The following TENM2 variants were observed in gnomAD, a reference collection of about 807,000 sequenced individuals.
TENM2 encodes the protein teneurin transmembrane protein 2.
TENM2 carries 52 observed loss-of-function variants against 245.2 expected under a neutral mutation model. The observed-to-expected ratio is 0.21, with a 90% CI of 0.17 to 0.27. The LOEUF is 0.27. Ranked by LOEUF, TENM2 falls within the 10% of genes least tolerant of loss-of-function variation. The probability of loss-of-function intolerance (pLI) is 1.00; values close to 1 mark genes in which losing one functional copy is unlikely to be tolerated. For missense variants in TENM2, 3,046 were observed against 3,666.8 expected, an observed-to-expected ratio of 0.83 and a Z score of 4.37; for synonymous variants, 1,363 against 1,438.9, an observed-to-expected ratio of 0.95 and a Z score of 1.19.
Position 168,226,397 on chromosome 5 carries a change from C to G in TENM2, c.5284+134C>G, listed in dbSNP as rs1581688352. ...CGTACCCCTAGCTTTCTATTTTATT[C>G]AAGTGTCCACAGCAAACTATAAGAG... On this transcript the variant is annotated intron_variant, in intron 24 of 28. Transcript: ENST00000518659. 6 of 701,322 alleles carry G rather than the reference C, an allele frequency of 8.6e-6. No individual in the cohort carries two copies. The East Asian group carries it at 1.6e-4, about 19-fold the overall frequency. The allele number at this position is 701,322 out of a possible 1,614,324, so 43.4% of individuals were successfully genotyped here.
intron 1 of TENM2, among the ~76,000 whole-genome samples, chr5:167,333,903 C>A (rs1757604122): frequency 6.6e-6 from 1 of 152,026 alleles, no homozygotes; most frequent in Non-Finnish European, 1.5e-5. Context: ...AAAAATAGTT[C>A]AAATGGAGTT....
At chr5:167,974,027 GGA>G (rs1562000957) in intron 4 of TENM2, among the ~76,000 whole-genome samples, 7 of 74,854 alleles carry the variant, frequency 9.4e-5, no homozygotes, top group Non-Finnish European at 1.3e-4. Flanking sequence ...GAGGGAGGAA[GGA>G]AGGAAGGAGA....
chr5:167,345,734 C>T (rs1758412500), intron 1 of TENM2, among the ~76,000 whole-genome samples: 1 of 151,920 alleles, frequency 6.6e-6, no homozygotes, highest in African/African-American at 2.4e-5. Context: ...TTTGGACAAA[C>T]CAAAAGAACA....
At chr5:167,363,460 G>A (rs1348523973) in intron 1 of TENM2, among the ~76,000 whole-genome samples, 4 of 152,112 alleles carry the variant, frequency 2.6e-5, no homozygotes, top group Middle Eastern at 3.4e-3. Context: ...GGATGGGCAC[G>A]GTGGCTCACG....
chr5:167,684,088 A>G (rs12521170), intron 2 of TENM2, among the ~76,000 whole-genome samples: 68,632 of 152,078 alleles, frequency 0.45, 17,705 homozygotes, highest in East Asian at 0.91. Context: ...TCGTCATTCA[A>G]TAAAAGGACG....
At chr5:167,009,144 G>C in the TENM2 span, among the ~76,000 whole-genome samples, 8 of 129,470 alleles carry the variant, frequency 6.2e-5, no homozygotes, top group African/African-American at 2.3e-4. Flanking sequence ...TTAAATTTAA[G>C]GCTTGAATTA....
intron 2 of TENM2, among the ~76,000 whole-genome samples, chr5:167,874,343 A>G (rs1197928299): frequency 6.6e-6 from 1 of 152,194 alleles, no homozygotes; most frequent in Non-Finnish European, 1.5e-5. Context: ...ATTGAACCAA[A>G]TGAACCCATA....
intron 2 of TENM2, among the ~76,000 whole-genome samples, chr5:167,841,287 C>T (rs1347845715): frequency 6.6e-6 from 1 of 152,164 alleles, no homozygotes; most frequent in Non-Finnish European, 1.5e-5. Flanking sequence ...TCGAACCTGA[C>T]CTCAGGTGAT....
At chr5:166,979,194 CCAGCAG>C in the TENM2 span, among the ~76,000 whole-genome samples, 30,258 of 141,834 alleles carry the variant, frequency 0.21, 3,708 homozygotes, top group Non-Finnish European at 0.28. Flanking sequence ...AGCACCACCA[CCAGCAG>C]CAGCAGCAGC....
At chr5:168,214,211 T>C (rs1762999945) in intron 20 of TENM2, among the ~76,000 whole-genome samples, 1 of 152,218 alleles carries the variant, frequency 6.6e-6, no homozygotes, top group African/African-American at 2.4e-5. Flanking sequence ...TCTTACTCTG[T>C]CCTAGTTAGC....
At chr5:167,617,263 T>C (rs1189524912) in intron 2 of TENM2, among the ~76,000 whole-genome samples, 1 of 152,102 alleles carries the variant, frequency 6.6e-6, no homozygotes, top group Non-Finnish European at 1.5e-5. Context: ...TACACAAATG[T>C]GTGCATGTAA....
At chr5:168,126,685 C>G (rs896265650) in intron 11 of TENM2, 69 bp from the exon 14 acceptor site, 1 of 1,336,080 alleles carries the variant, frequency 7.5e-7, no homozygotes, top group African/African-American at 1.4e-5. Context: ...GGGCCATGTG[C>G]GTGGTCTGGA....
Position 168,218,706 on chromosome 5 carries a change from T to C in TENM2, c.4815T>C (p.Thr1605=), listed in dbSNP as rs767670123. 6.2e-7 allele frequency: 1 copy of C among 1,614,046 alleles called. No individual in the cohort carries two copies. The highest frequency in any genetic ancestry group is 1.7e-5 in the Admixed American group (1 of 60,024). The change falls in exon 23 of 29, where the codon ACT becomes ACC. Residue 1605 remains threonine, a synonymous_variant. Coordinates refer to ENST00000518659, the Ensembl canonical transcript of TENM2. This position sits in a 1 kb window ranked among gnomAD's most constrained non-coding sequence, Gnocchi z 5.2. The stretch of plus-strand genomic sequence containing the variant: ...ACGCTGATGGCATCCACCAATACAC[T>C]GTGAGCCTGGTGACAGGGGAGTACT...
chr5:167,636,798 T>A (rs2150233907), intron 2 of TENM2, among the ~76,000 whole-genome samples: 1 of 152,328 alleles, frequency 6.6e-6, no homozygotes, highest in South Asian at 2.1e-4. Context: ...ACTTATAATT[T>A]GTTTTAAAAT....
intron 2 of TENM2, among the ~76,000 whole-genome samples, chr5:167,713,169 T>C (rs979148404): frequency 6.6e-6 from 1 of 152,066 alleles, no homozygotes; most frequent in Non-Finnish European, 1.5e-5. Context: ...GTTCATAATC[T>C]ATGTTTATTA....
At chr5:167,514,068 G>T (rs947312831) in intron 2 of TENM2, among the ~76,000 whole-genome samples, 1 of 152,234 alleles carries the variant, frequency 6.6e-6, no homozygotes, top group Non-Finnish European at 1.5e-5. Flanking sequence ...AAAGCACGCA[G>T]TACAAAGTTG....
At chr5:168,215,704 A>G (rs1763131644) in intron 21 of TENM2, among the ~76,000 whole-genome samples, 2 of 152,204 alleles carry the variant, frequency 1.3e-5, no homozygotes, top group African/African-American at 4.8e-5. Flanking sequence ...ATTTATTTGA[A>G]GAAAACTTTA....
At chr5:167,469,726 C>T (rs1195982484) in intron 2 of TENM2, among the ~76,000 whole-genome samples, 1 of 151,628 alleles carries the variant, frequency 6.6e-6, no homozygotes, top group East Asian at 1.9e-4. Context: ...CAATTGAAAT[C>T]CTAGATTTTT....
At chr5:167,536,418 G>T (rs889494172) in intron 2 of TENM2, among the ~76,000 whole-genome samples, 1 of 151,814 alleles carries the variant, frequency 6.6e-6, no homozygotes, top group African/African-American at 2.4e-5. Flanking sequence ...AATATGTAAG[G>T]CTTTGTGAGC....
Sources: gnomAD v4.1 joint callset for allele counts (sites outside exome capture counted in the v4.1 genomes callset) on GRCh38, gnomAD v4.1.1 for gene constraint, Gnocchi (gnomAD v3.1) non-coding constraint, MANE v1.5 for transcripts, NCBI Gene and HGNC (gene_info 2026-07-23, HGNC 2026-07-21) for gene names.